RTL4: variants seen among roughly 807,000 people sequenced by gnomAD.
RTL4 encodes retrotransposon Gag like 4.
Under a neutral mutation model 5.3 loss-of-function variants are expected in RTL4, and 4 were observed. That is an observed-to-expected ratio of 0.75 (90% CI 0.37 to 1.72). The LOEUF (loss-of-function observed/expected upper bound fraction) is 1.72, where lower values mean the gene tolerates loss of function less well. RTL4 is among the 40% of genes most tolerant of loss of function. The pLI, the probability that RTL4 is intolerant of heterozygous loss-of-function variation, is 0.04. For synonymous variants in RTL4, 98 were observed against 87.3 expected (o/e 1.12, Z -0.68); for missense variants, 260 against 227.1 (o/e 1.14, Z -0.93).
At chrX:112,244,853 T>C in the RTL4 span, among the ~76,000 whole-genome samples, 46 of 111,960 alleles carry the variant, frequency 4.1e-4, 2 homozygotes, top group South Asian at 0.016. Flanking sequence ...TTTCCGTGTT[T>C]AGTGCTTCCT....
chrX:112,161,871 TTC>T, the RTL4 span, among the ~76,000 whole-genome samples: 1 of 42,687 alleles, frequency 2.3e-5, no homozygotes, highest in African/African-American at 6.5e-5. Context: ...CTTTCTTTCT[TTC>T]CTTCTTTCTT....
the RTL4 span, among the ~76,000 whole-genome samples, chrX:112,253,998 T>G: frequency 8.9e-6 from 1 of 112,221 alleles, no homozygotes; most frequent in African/African-American, 3.2e-5. Flanking sequence ...CTTGCTGTAT[T>G]TAGAGTGAAG....
the RTL4 span, among the ~76,000 whole-genome samples, chrX:112,305,554 G>T: frequency 4.6e-5 from 5 of 109,562 alleles, no homozygotes; most frequent in African/African-American, 6.7e-5. Context: ...AGTAGAGATG[G>T]GGTTTCACCA....
At chrX:112,290,941 A>G in the RTL4 span, among the ~76,000 whole-genome samples, 2 of 112,101 alleles carry the variant, frequency 1.8e-5, no homozygotes, top group Non-Finnish European at 3.8e-5. Context: ...CCTGAACTAC[A>G]TGGCTATTAA....
the RTL4 span, among the ~76,000 whole-genome samples, chrX:112,155,186 T>G: frequency 9.1e-6 from 1 of 110,324 alleles, no homozygotes; most frequent in African/African-American, 3.3e-5. Flanking sequence ...TCTCAGATAT[T>G]TTATTATAGC....
chrX:112,087,985 GTTCCAAAACATT>G, the RTL4 span, among the ~76,000 whole-genome samples: 2 of 108,385 alleles, frequency 1.8e-5, no homozygotes, highest in African/African-American at 6.8e-5. Context: ...CCTCTATCTA[GTTCCAAAACATT>G]TTCTTTTTTT....
At chrX:112,412,227 A>G in the RTL4 span, among the ~76,000 whole-genome samples, 2 of 111,757 alleles carry the variant, frequency 1.8e-5, no homozygotes, top group Non-Finnish European at 3.8e-5. Context: ...ATAGAAATAT[A>G]TTTTATGTTT....
At chrX:112,422,545 T>C in the RTL4 span, among the ~76,000 whole-genome samples, 1 of 110,997 alleles carries the variant, frequency 9.0e-6, no homozygotes, top group Non-Finnish European at 1.9e-5. Flanking sequence ...ATTGTTGCTC[T>C]GGTCGTCTCT....
At chrX:112,171,037 A>G in the RTL4 span, among the ~76,000 whole-genome samples, 1 of 111,922 alleles carries the variant, frequency 8.9e-6, no homozygotes, top group Non-Finnish European at 1.9e-5. Flanking sequence ...TGTTTATGTA[A>G]TTAATTACAT....
At chrX:112,157,342 A>C in the RTL4 span, among the ~76,000 whole-genome samples, 1 of 111,021 alleles carries the variant, frequency 9.0e-6, no homozygotes, top group Non-Finnish European at 1.9e-5. Flanking sequence ...GGCCTAAATG[A>C]TCCCTAAGTA....
the RTL4 span, among the ~76,000 whole-genome samples, chrX:112,178,174 C>A: frequency 9.0e-6 from 1 of 111,313 alleles, no homozygotes; most frequent in Non-Finnish European, 1.9e-5. Context: ...CCTGAGCATA[C>A]CCCTGCTGTT....
At chrX:112,325,989 C>T in the RTL4 span, among the ~76,000 whole-genome samples, 8 of 112,204 alleles carry the variant, frequency 7.1e-5, no homozygotes, top group East Asian at 2.2e-3. Flanking sequence ...GGGCAAAGGA[C>T]ATGAACAGAC....
the RTL4 span, among the ~76,000 whole-genome samples, chrX:112,170,708 C>T: frequency 1.8e-5 from 2 of 111,446 alleles, no homozygotes; most frequent in Non-Finnish European, 3.8e-5. Context: ...ACAGCTTGAC[C>T]TCCTCTCTTG....
At chrX:112,134,901 T>C in the RTL4 span, among the ~76,000 whole-genome samples, 2 of 112,206 alleles carry the variant, frequency 1.8e-5, no homozygotes, top group Admixed American at 1.9e-4. Flanking sequence ...TTCCTTTTCA[T>C]AGATGAGCAG....
At chrX:112,448,781 C>T in the RTL4 span, among the ~76,000 whole-genome samples, 75 of 111,707 alleles carry the variant, frequency 6.7e-4, 2 homozygotes, top group East Asian at 0.021. Flanking sequence ...ACCAAGCTTC[C>T]CTTCCTCTTT....
the RTL4 span, among the ~76,000 whole-genome samples, chrX:112,285,939 C>G: frequency 8.9e-6 from 1 of 111,894 alleles, no homozygotes; most frequent in Non-Finnish European, 1.9e-5. Flanking sequence ...TAACTGTGAA[C>G]ATATTTCTGG....
At chrX:112,443,183 T>A in the RTL4 span, among the ~76,000 whole-genome samples, 306 of 111,970 alleles carry the variant, frequency 2.7e-3, no homozygotes, top group Non-Finnish European at 3.9e-3. Flanking sequence ...GAACGTGAGA[T>A]GTTTGTCTTT....
the RTL4 span, among the ~76,000 whole-genome samples, chrX:112,178,937 T>C: frequency 3.1e-3 from 349 of 112,436 alleles, 2 homozygotes; most frequent in Middle Eastern, 0.023. Flanking sequence ...CTTGGGTTTC[T>C]GGTCTAACAG....
chrX:112,203,955 A>T, the RTL4 span, among the ~76,000 whole-genome samples: 1 of 112,375 alleles, frequency 8.9e-6, no homozygotes, highest in East Asian at 2.8e-4. Context: ...AGTTTTGAGT[A>T]TGGAAATGCT....
Sources: gnomAD v4.1 joint callset for allele counts (sites outside exome capture counted in the v4.1 genomes callset) on GRCh38, gnomAD v4.1.1 for gene constraint, MANE v1.5 for transcripts, NCBI Gene and HGNC (gene_info 2026-07-23, HGNC 2026-07-21) for gene names.